KCNMA1: variants seen among roughly 807,000 people sequenced by gnomAD.
KCNMA1 encodes the protein Calcium-activated potassium channel subunit alpha-1.
A neutral mutation model predicts 140.0 loss-of-function variants in KCNMA1; 29 were observed. The ratio of observed to expected loss-of-function variants is 0.21; its 90% CI spans 0.15 to 0.28. KCNMA1 has a LOEUF of 0.28. Ranked by LOEUF, KCNMA1 falls within the 10% of genes least tolerant of loss-of-function variation. The pLI, the probability that KCNMA1 is intolerant of heterozygous loss-of-function variation, is 1.00. For synonymous variants in KCNMA1, 612 were observed against 611.9 expected, an observed-to-expected ratio of 1.00 and a Z score of 0.00; for missense variants, 880 against 1,602.2, an observed-to-expected ratio of 0.55 and a Z score of 7.70.
chr10:77,028,370 T>G (rs2093653116), intron 15 of KCNMA1, among the ~76,000 whole-genome samples: 1 of 152,106 alleles, frequency 6.6e-6, no homozygotes, highest in Non-Finnish European at 1.5e-5. Context: ...TCTGTGTAAG[T>G]GCCCAGCACA....
intron 2 of KCNMA1, among the ~76,000 whole-genome samples, chr10:77,277,725 G>A (rs1191217128): frequency 6.6e-6 from 1 of 152,122 alleles, no homozygotes; most frequent in Non-Finnish European, 1.5e-5. Context: ...CCCCAACCTG[G>A]ATGCAAAGTG....
chr10:77,258,596 T>C (rs889194713), intron 2 of KCNMA1, among the ~76,000 whole-genome samples: 2 of 152,190 alleles, frequency 1.3e-5, no homozygotes, highest in Non-Finnish European at 2.9e-5. Context: ...GAAAATGATT[T>C]TTTTCTCTTT....
intron 3 of KCNMA1, among the ~76,000 whole-genome samples, chr10:77,202,395 C>T (rs562702905): frequency 3.9e-5 from 6 of 152,200 alleles, no homozygotes; most frequent in Admixed American, 1.3e-4. Context: ...TAGAATTAAC[C>T]CACAGTAATC....
chr10:77,122,688 C>T (rs1284326715), intron 5 of KCNMA1, among the ~76,000 whole-genome samples: 1 of 151,958 alleles, frequency 6.6e-6, no homozygotes, highest in African/African-American at 2.4e-5. Flanking sequence ...CAGGACATAA[C>T]AGAAAAGAAC....
intron 1 of KCNMA1, among the ~76,000 whole-genome samples, chr10:77,521,783 C>A (rs1186215430): frequency 6.6e-6 from 1 of 152,196 alleles, no homozygotes; most frequent in Non-Finnish European, 1.5e-5. Flanking sequence ...TTTCTCACCC[C>A]ATCTCCCAAC....
At chr10:77,085,276 T>G (rs1405613016) in intron 11 of KCNMA1, among the ~76,000 whole-genome samples, 1 of 152,224 alleles carries the variant, frequency 6.6e-6, no homozygotes, top group Non-Finnish European at 1.5e-5. Flanking sequence ...CCGATTAGTA[T>G]TCAGATATTC....
chr10:77,214,982 T>C (rs2047247736), intron 3 of KCNMA1, among the ~76,000 whole-genome samples: 1 of 152,206 alleles, frequency 6.6e-6, no homozygotes, highest in Admixed American at 6.5e-5. Context: ...TGTAATATGA[T>C]TCCTCTCTTC....
At chr10:77,444,772 C>T (rs1460297262) in intron 1 of KCNMA1, among the ~76,000 whole-genome samples, 1 of 152,126 alleles carries the variant, frequency 6.6e-6, no homozygotes, top group South Asian at 2.1e-4. Flanking sequence ...CAGGGAGCAG[C>T]TGGGCAGCCT....
intron 3 of KCNMA1, among the ~76,000 whole-genome samples, chr10:77,244,572 T>C (rs1435312010): frequency 6.6e-6 from 1 of 152,164 alleles, no homozygotes; most frequent in Non-Finnish European, 1.5e-5. Flanking sequence ...ACCAATCTGT[T>C]TGACAACCAA....
intron 2 of KCNMA1, among the ~76,000 whole-genome samples, chr10:77,293,450 G>A (rs1165957387): frequency 6.6e-6 from 1 of 152,196 alleles, no homozygotes; most frequent in Non-Finnish European, 1.5e-5. Context: ...CCATGGTACA[G>A]AAGAGGTAAC....
intron 5 of KCNMA1, among the ~76,000 whole-genome samples, chr10:77,130,173 T>C (rs1054460753): frequency 1.3e-5 from 2 of 152,240 alleles, no homozygotes; most frequent in Non-Finnish European, 2.9e-5. Context: ...AATGATTTTC[T>C]GACTTTTCAG....
chr10:77,590,104 T>G (rs2078554598), intron 1 of KCNMA1, among the ~76,000 whole-genome samples: 1 of 152,166 alleles, frequency 6.6e-6, no homozygotes, highest in Admixed American at 6.5e-5. Context: ...TGCTGATTGG[T>G]GTGTTTACAA....
chr10:77,175,451 C>T (rs2154109511), intron 5 of KCNMA1, among the ~76,000 whole-genome samples: 1 of 152,306 alleles, frequency 6.6e-6, no homozygotes, highest in South Asian at 2.1e-4. Flanking sequence ...CTCATTCATT[C>T]ATTCAACAAG....
At chr10:77,621,814 A>G (rs190710247) in intron 1 of KCNMA1, among the ~76,000 whole-genome samples, 4 of 152,234 alleles carry the variant, frequency 2.6e-5, no homozygotes, top group Admixed American at 6.5e-5. Context: ...CTGTAGTCAC[A>G]TGCCTGCAAG....
intron 13 of KCNMA1, among the ~76,000 whole-genome samples, chr10:77,076,006 A>C (rs1042431829): frequency 1.3e-5 from 2 of 152,104 alleles, no homozygotes; most frequent in Admixed American, 6.5e-5. Flanking sequence ...CCCTCCTCTC[A>C]TGGAGAAGGA....
intron 2 of KCNMA1, among the ~76,000 whole-genome samples, chr10:77,316,095 G>A (rs948586171): frequency 3.9e-5 from 6 of 152,180 alleles, no homozygotes; most frequent in Admixed American, 1.3e-4. Context: ...CTTGAATACT[G>A]TGTCCCTTTC....
intron 8 of KCNMA1, among the ~76,000 whole-genome samples, chr10:77,109,783 G>A (rs1448071621): frequency 2.6e-5 from 4 of 152,136 alleles, no homozygotes; most frequent in East Asian, 1.9e-4. Flanking sequence ...TCTTGAAACC[G>A]CAAACTGTCT....
intron 1 of KCNMA1, among the ~76,000 whole-genome samples, chr10:77,463,266 C>A (rs1003215035): frequency 1.3e-5 from 2 of 152,162 alleles, no homozygotes; most frequent in Admixed American, 6.5e-5. Context: ...GTTACCTCCC[C>A]ACAGTGGGAA....
At chr10:76,947,489 T>C (rs2064466663) in intron 22 of KCNMA1, among the ~76,000 whole-genome samples, 1 of 152,132 alleles carries the variant, frequency 6.6e-6, no homozygotes, top group Admixed American at 6.5e-5. Context: ...TGTATCCTGG[T>C]AAAATAATAA....
Sources: gnomAD v4.1 joint callset for allele counts (sites outside exome capture counted in the v4.1 genomes callset) on GRCh38, gnomAD v4.1.1 for gene constraint, MANE v1.5 for transcripts, NCBI Gene and HGNC (gene_info 2026-07-23, HGNC 2026-07-21) for gene names.